PIEZO2: variants seen among roughly 807,000 people sequenced by gnomAD.
The protein encoded by PIEZO2 is piezo type mechanosensitive ion channel component 2.
In PIEZO2, 172 loss-of-function variants were observed where a neutral mutation model predicts 337.3. The ratio of observed to expected loss-of-function variants is 0.51; its 90% CI spans 0.45 to 0.58. The LOEUF is 0.58. Ranked by LOEUF, PIEZO2 falls within the 20% of genes least tolerant of loss-of-function variation. The pLI, the probability that PIEZO2 is intolerant of heterozygous loss-of-function variation, is 0.00. For synonymous variants in PIEZO2, 1,251 were observed against 1,228.5 expected (o/e 1.02, Z -0.38); for missense variants, 3,028 against 3,391.3 (o/e 0.89, Z 2.66).
In PIEZO2 at chr18:10,716,287, C is replaced by T. The variant is rs2036008067; in HGVS notation, c.5090-471G>A. ...CTCCTCAACCCACTCAAGGGAAGGA[C>T]GATGAGGATGAGAGCTTTATGATGG... On this transcript the variant is annotated intron_variant, in intron 37 of 55. Coordinates refer to ENST00000674853, the MANE Select transcript of PIEZO2 (RefSeq NM_001378183.1). This position sits in a 1 kb window ranked among gnomAD's most constrained non-coding sequence, Gnocchi z 4.1. 6.6e-6 allele frequency among the ~76,000 whole-genome samples: 1 copy of T among 152,154 alleles called. No homozygotes were observed. Among genetic ancestry groups the T allele is most frequent in the Non-Finnish European group, 1.5e-5 (1 of 68,024 alleles).
chr18:10,812,504 G>C (rs546146097), intron 7 of PIEZO2, among the ~76,000 whole-genome samples: 13 of 151,332 alleles, frequency 8.6e-5, no homozygotes, highest in African/African-American at 2.7e-4. Context: ...ACCTGAACAT[G>C]TACCTCTGAA....
intron 4 of PIEZO2, among the ~76,000 whole-genome samples, chr18:10,906,795 A>G (rs2029979698): frequency 6.6e-6 from 1 of 152,120 alleles, no homozygotes; most frequent in Non-Finnish European, 1.5e-5. Flanking sequence ...TCCTGAGCTC[A>G]GTCAATCCTC....
intron 11 of PIEZO2, 59 bp from the exon 12 acceptor site, chr18:10,797,581 G>A: frequency 1.3e-6 from 2 of 1,526,440 alleles, no homozygotes; most frequent in Non-Finnish European, 1.8e-6. Flanking sequence ...TTGTATAAAT[G>A]TTCCAAGCAA....
rs187331824 is a variant in PIEZO2, at chr18:10,892,301, C to T, written c.329+18885G>A. 4.0e-3 allele frequency among the ~76,000 whole-genome samples: 616 copies of T among 152,106 alleles called. 4 individuals are homozygous for T. Among genetic ancestry groups the T allele is most frequent in the African/African-American group, 0.014 (589 of 41,498 alleles). ...TATAAATAAAAATTAATTAATTAAA[C>T]AGGAATCAAGTATGGATACTTGTGA... On this transcript the variant is annotated intron_variant, in intron 4 of 55. Coordinates refer to ENST00000674853, the MANE Select transcript of PIEZO2 (RefSeq NM_001378183.1).
chr18:10,950,901 C>T (rs1476351848), intron 3 of PIEZO2, among the ~76,000 whole-genome samples: 1 of 152,206 alleles, frequency 6.6e-6, no homozygotes, highest in East Asian at 1.9e-4. Context: ...TCTAAAATCG[C>T]TCTGCAATTG....
intron 2 of PIEZO2, among the ~76,000 whole-genome samples, chr18:10,992,745 T>G (rs1420378978): frequency 2.0e-5 from 3 of 152,118 alleles, no homozygotes; most frequent in Non-Finnish European, 2.9e-5. Context: ...TTTAAAGTAG[T>G]TTTTTTCCAA....
rs964679403 is a variant in PIEZO2, at chr18:11,046,616, C to T, written c.160+19511G>A. On this transcript the variant is annotated intron_variant, in intron 2 of 55. Transcript: ENST00000674853. Reference sequence around the variant, plus strand: ...GCCGTGGCTCCGCTGGGTGCTCGCTCAGGTCTTGCCTCTCTATGAGCCACT... The same window carrying T: ...GCCGTGGCTCCGCTGGGTGCTCGCTTAGGTCTTGCCTCTCTATGAGCCACT... Among the ~76,000 whole-genome samples, 8 of 152,236 alleles carry T rather than the reference C, an allele frequency of 5.3e-5. No individual in the cohort carries two copies. The East Asian group carries it at 1.3e-3, about 26-fold the overall frequency.
rs1446672690 is a variant in PIEZO2 at position 10,877,805 on chromosome 18, C to T, written c.330-6390G>A. ...TGTCAACCCCACGGCCCCCAGGAAACATCCACATTCCTAAGCGTGACAAGG... is the reference window on the plus strand; with the variant it reads ...TGTCAACCCCACGGCCCCCAGGAAATATCCACATTCCTAAGCGTGACAAGG... On this transcript the variant is annotated intron_variant, in intron 4 of 55. Coordinates refer to ENST00000674853, the MANE Select transcript of PIEZO2 (RefSeq NM_001378183.1). This position sits in a 1 kb window ranked among gnomAD's most constrained non-coding sequence, Gnocchi z 5.3. 1.3e-5 allele frequency among the ~76,000 whole-genome samples: 2 copies of T among 152,164 alleles called. No homozygotes were observed. Among genetic ancestry groups the T allele is most frequent in the African/African-American group, 4.8e-5 (2 of 41,446 alleles).
intron 47 of PIEZO2, among the ~76,000 whole-genome samples, chr18:10,692,826 A>G (rs2034910812): frequency 6.6e-6 from 1 of 152,148 alleles, no homozygotes; most frequent in African/African-American, 2.4e-5. Context: ...TTCTTTTTCA[A>G]AGTTCTTTTA....
At chr18:10,686,044 C>T (rs945663544) in intron 49 of PIEZO2, among the ~76,000 whole-genome samples, 2 of 152,166 alleles carry the variant, frequency 1.3e-5, no homozygotes, top group African/African-American at 2.4e-5. Context: ...TTTTCCTTAT[C>T]GTCTCCAGAG....
chr18:10,695,343 G>A (rs1464848093), intron 47 of PIEZO2, among the ~76,000 whole-genome samples: 1 of 152,194 alleles, frequency 6.6e-6, no homozygotes, highest in African/African-American at 2.4e-5. Flanking sequence ...GGAGATGCCA[G>A]GCACACTGGG....
chr18:10,883,769 C>T (rs2042491729), intron 4 of PIEZO2, among the ~76,000 whole-genome samples: 1 of 150,364 alleles, frequency 6.7e-6, no homozygotes, highest in Non-Finnish European at 1.5e-5. Flanking sequence ...CTCCCCACCT[C>T]AGCCCTTGGT....
intron 36 of PIEZO2, among the ~76,000 whole-genome samples, chr18:10,718,490 C>T (rs752842593): frequency 3.9e-5 from 6 of 152,278 alleles, no homozygotes; most frequent in Non-Finnish European, 7.4e-5. Flanking sequence ...TGGTGGGTAC[C>T]GGCCAGTACT....
intron 1 of PIEZO2, among the ~76,000 whole-genome samples, chr18:11,130,952 CCCAG>C (rs2040323560): frequency 6.6e-6 from 1 of 152,210 alleles, no homozygotes; most frequent in East Asian, 1.9e-4. Flanking sequence ...GACCATATGA[CCCAG>C]CAGATCCAAT....
chr18:10,702,677 A>G (rs73397393), intron 42 of PIEZO2, among the ~76,000 whole-genome samples: 34,543 of 152,102 alleles, frequency 0.23, 3,978 homozygotes, highest in South Asian at 0.28. Flanking sequence ...CCACTAAAAA[A>G]CAGAAATGAA....
chr18:10,729,549 G>A (rs1484559389), intron 36 of PIEZO2, among the ~76,000 whole-genome samples: 1 of 151,128 alleles, frequency 6.6e-6, no homozygotes, highest in Non-Finnish European at 1.5e-5. Context: ...GCTTGAACCC[G>A]GGAGGCTGAG....
chr18:11,051,207 C>T (rs1433341105), intron 2 of PIEZO2, among the ~76,000 whole-genome samples: 1 of 152,128 alleles, frequency 6.6e-6, no homozygotes, highest in Non-Finnish European at 1.5e-5. Context: ...GGGTTTTGTC[C>T]TCATCTATTA....
intron 28 of PIEZO2, 34 bp downstream of exon 28, chr18:10,752,602 A>G: frequency 6.5e-7 from 1 of 1,531,646 alleles, no homozygotes; most frequent in Non-Finnish European, 8.8e-7. Flanking sequence ...TTACACGAAA[A>G]CCGCAAATGT....
intron 3 of PIEZO2, among the ~76,000 whole-genome samples, chr18:10,938,654 C>T (rs2145233091): frequency 6.6e-6 from 1 of 152,194 alleles, no homozygotes; most frequent in Middle Eastern, 3.4e-3. Flanking sequence ...AAAGATTCTT[C>T]ATGACCAGAA....
Sources: gnomAD v4.1 joint callset for allele counts (sites outside exome capture counted in the v4.1 genomes callset) on GRCh38, gnomAD v4.1.1 for gene constraint, Gnocchi (gnomAD v3.1) non-coding constraint, MANE v1.5 for transcripts, NCBI Gene and HGNC (gene_info 2026-07-23, HGNC 2026-07-21) for gene names.